The following UNKL variants were observed in gnomAD, a reference collection of about 807,000 sequenced individuals.
UNKL encodes putative E3 ubiquitin-protein ligase UNKL.
Under a neutral mutation model 78.0 loss-of-function variants are expected in UNKL, and 60 were observed. The ratio of observed to expected loss-of-function variants is 0.77; its 90% CI spans 0.63 to 0.95. The LOEUF (loss-of-function observed/expected upper bound fraction) is 0.95, where lower values mean the gene tolerates loss of function less well. Ranked by LOEUF, UNKL falls within the 40% of genes least tolerant of loss-of-function variation. The pLI is 0.00. For missense variants in UNKL, 1,159 were observed against 1,045.7 expected (o/e 1.11, Z -1.49); for synonymous variants, 608 against 474.8 (o/e 1.28, Z -3.65).
At chr16:1,378,303 C>G (rs1211136747) in intron 10 of UNKL, among the ~76,000 whole-genome samples, 1 of 152,216 alleles carries the variant, frequency 6.6e-6, no homozygotes, top group Non-Finnish European at 1.5e-5. Flanking sequence ...CAGGGCCAAG[C>G]GGTTTGCCCA....
intron 10 of UNKL, among the ~76,000 whole-genome samples, chr16:1,380,498 C>T (rs1467274959): frequency 6.6e-6 from 1 of 152,030 alleles, no homozygotes; most frequent in Non-Finnish European, 1.5e-5. Flanking sequence ...AGGGATGTAA[C>T]TTTACAGCGA....
chr16:1,374,498 C>G (rs1246547859), intron 10 of UNKL, among the ~76,000 whole-genome samples: 3 of 152,180 alleles, frequency 2.0e-5, no homozygotes, highest in Non-Finnish European at 2.9e-5. Flanking sequence ...CCGGGGAAAC[C>G]TGTCAGACCC....
At chr16:1,382,018 T>C (rs2036623931) in intron 10 of UNKL, among the ~76,000 whole-genome samples, 1 of 152,158 alleles carries the variant, frequency 6.6e-6, no homozygotes, top group Admixed American at 6.5e-5. Context: ...AAGTGCTCTG[T>C]CCCTGGGCTG....
Position 1,367,382 on chromosome 16 carries a change from C to T in UNKL, c.1789-33G>A, listed in dbSNP as rs1374070809. On this transcript the variant is annotated intron_variant, in intron 13 of 14. Transcript: ENST00000389221. ...CCAGGGCCCGTCTCAGCACCCCCCA[C>T]CTCACCTGTGCCACCTGCAGACCCT... The T allele has an allele frequency of 2.0e-6, 3 of 1,516,388 alleles. No individual in the cohort carries two copies. The African/African-American group carries it at 4.1e-5, about 21-fold the overall frequency. 93.9% of individuals were successfully genotyped at this position (1,516,388 alleles called of 1,614,324 possible).
chr16:1,379,827 G>A, intron 10 of UNKL: 1 of 577,164 alleles, frequency 1.7e-6, no homozygotes, highest in Non-Finnish European at 2.2e-6. Context: ...CGCGGCTCCT[G>A]GCTACGAGCT....
intron 12 of UNKL, 145 bp from the exon 13 acceptor site, chr16:1,368,003 G>T: frequency 1.4e-6 from 1 of 697,348 alleles, no homozygotes; most frequent in Non-Finnish European, 2.4e-6. Context: ...AGCCACGCCT[G>T]CCCCTTGCCC....
At chr16:1,368,083 C>T in intron 12 of UNKL, 1 of 488,232 alleles carries the variant, frequency 2.0e-6, no homozygotes, top group South Asian at 3.4e-5. Flanking sequence ...GTCTCCCCAC[C>T]AGATCTACGC....
chr16:1,399,067 C>G lies in UNKL; in HGVS notation c.734+307G>C. The G allele has an allele frequency of 7.3e-7, 1 of 1,370,730 alleles. No homozygotes were observed. Among genetic ancestry groups the G allele is most frequent in the Non-Finnish European group, 9.6e-7 (1 of 1,040,060 alleles). 84.9% of individuals were successfully genotyped at this position (1,370,730 alleles called of 1,614,324 possible). On this transcript the variant is annotated intron_variant, in intron 5 of 14. Transcript: ENST00000389221. The surrounding 1 kb of genome is among the most constrained non-coding windows in gnomAD (Gnocchi z 5.8). ...CAACCAGAGGCACGGGTGGGGCACA[C>G]GGGGGTCCCAGCTGGGCTTGGGGTC...
At position 1,366,501 on chromosome 16, in the gene UNKL, G is replaced by A. The variant is rs2035265668; in HGVS notation, c.2047-106C>T. The A allele has an allele frequency of 2.9e-6, 4 of 1,365,192 alleles. No homozygotes were observed. In the Admixed American group the frequency reaches 8.6e-5, roughly 29 times the overall value. The allele number at this position is 1,365,192 out of a possible 1,614,324, so 84.6% of individuals were successfully genotyped here. A position where few individuals can be genotyped will look rare whatever the true frequency, so the allele number is the denominator to read the frequency against. The stretch of plus-strand genomic sequence containing the variant: ...AGGACTCAGCATCTCAGGCCGCCCG[G>A]CCACCAGCTACAGAGACAGGGTCAG... On this transcript the variant is annotated intron_variant, in intron 14 of 14. Transcript: ENST00000389221.
In UNKL at chr16:1,370,478, G is replaced by A. The variant is rs559031720; in HGVS notation, c.1358-121C>T. 135 of 1,387,932 alleles carry A rather than the reference G, an allele frequency of 9.7e-5. 1 individual carries two copies. The African/African-American group carries it at 1.4e-3, about 15-fold the overall frequency. 86.0% of individuals were successfully genotyped at this position (1,387,932 alleles called of 1,614,324 possible). A position where few individuals can be genotyped will look rare whatever the true frequency, so the allele number is the denominator to read the frequency against. ...TGGTGGTGGTGGGGATATGGGGGGT[G>A]GGAATATAGGGGCCAGGCCAGCCAC... On this transcript the variant is annotated intron_variant, in intron 11 of 14. Coordinates refer to ENST00000389221, the MANE Select transcript of UNKL (RefSeq NM_001372107.1).
In UNKL at chr16:1,367,715, G is replaced by A. The variant is rs2035419831; in HGVS notation, c.1729C>T (p.Leu577=). Residue 577 remains leucine, a synonymous_variant, in exon 13 of 15, where the codon CTG becomes TTG. Coordinates refer to ENST00000389221, the MANE Select transcript of UNKL (RefSeq NM_001372107.1). Reference sequence around the variant, plus strand: ...CGGATCTTCCTCTTGGCCTCGTCCAGCTGCCGCCTGACCCGGGCCAGCTCA... The same window carrying A: ...CGGATCTTCCTCTTGGCCTCGTCCAACTGCCGCCTGACCCGGGCCAGCTCA... ...GAELARVRRQ[L]DEAKRKIRQW... The A allele has an allele frequency of 5.1e-6, 8 of 1,580,920 alleles. No individual in the cohort carries two copies. Among genetic ancestry groups the A allele is most frequent in the Non-Finnish European group, 6.9e-6 (8 of 1,164,414 alleles).
rs1342426183 is a variant in UNKL, at chr16:1,365,242, C to T, written c.*998G>A. Reference sequence around the variant, plus strand: ...TCCTGACCTTAGGTGATCCACCCGCCTCCCAAAGTGCTGGGATCACAGGCA... The same window carrying T: ...TCCTGACCTTAGGTGATCCACCCGCTTCCCAAAGTGCTGGGATCACAGGCA... On this transcript the variant is annotated 3_prime_UTR_variant, in exon 15 of 15. Transcript: ENST00000389221. 1 of 152,246 alleles carries T rather than the reference C, an allele frequency of 6.6e-6. No individual in the cohort carries two copies. Among genetic ancestry groups the T allele is most frequent in the Non-Finnish European group, 1.5e-5 (1 of 68,062 alleles). 9.4% of individuals were successfully genotyped at this position (152,246 alleles called of 1,614,324 possible).
In UNKL at chr16:1,366,172, A is replaced by T; in HGVS notation, c.*68T>A. The T allele has an allele frequency of 1.4e-6, 2 of 1,418,508 alleles. No homozygotes were observed. Among genetic ancestry groups the T allele is most frequent in the Non-Finnish European group, 9.3e-7 (1 of 1,077,374 alleles). 87.9% of individuals were successfully genotyped at this position (1,418,508 alleles called of 1,614,324 possible). On this transcript the variant is annotated 3_prime_UTR_variant, in exon 15 of 15. Transcript: ENST00000389221. ...TCGGTGGCACCAGAAGCGAGTGACG[A>T]CATGTCCGTGGTCAGGAGGAGCGCT...
At position 1,389,691 on chromosome 16, in the gene UNKL, G is replaced by T. The variant is rs186192521; in HGVS notation, c.1086+941C>A. Among the ~76,000 whole-genome samples the T allele has an allele frequency of 9.6e-3, 1,466 of 152,348 alleles. 12 individuals are homozygous for T. The highest frequency in any genetic ancestry group is 0.016 in the Non-Finnish European group (1,101 of 68,028). On this transcript the variant is annotated intron_variant, in intron 9 of 14. Transcript: ENST00000389221. ...CCCCAGGGATGCCCACGCACAGAGG[G>T]GTGACCCCAGAGGACACGGAGGAGG... is the stretch of plus-strand genomic sequence containing the variant.
chr16:1,369,998 G>A (rs1172570581), intron 12 of UNKL, 132 bp downstream of exon 12: 11 of 1,551,180 alleles, frequency 7.1e-6, no homozygotes, highest in Non-Finnish European at 9.6e-6. Context: ...CCTGTGAGCA[G>A]CAGGTCATGT....
intron 2 of UNKL, among the ~76,000 whole-genome samples, chr16:1,406,779 G>A (rs1432598902): frequency 3.3e-5 from 5 of 151,982 alleles, no homozygotes; most frequent in African/African-American, 9.7e-5. Flanking sequence ...TTTCACCTAC[G>A]CCTTAGGTCC....
At chr16:1,406,144 C>A in intron 2 of UNKL, 1 of 436,078 alleles carries the variant, frequency 2.3e-6, no homozygotes. Context: ...AGGTGGGGGG[C>A]CCAGAGCACA....
At position 1,364,508 on chromosome 16, in the gene UNKL, G is replaced by T. The variant is rs182586418; in HGVS notation, c.*1732C>A. The T allele has an allele frequency of 6.6e-6, 1 of 152,374 alleles. No individual in the cohort carries two copies. The highest frequency in any genetic ancestry group is 2.4e-5 in the African/African-American group (1 of 41,594). The allele number at this position is 152,374 out of a possible 1,614,324, so 9.4% of individuals were successfully genotyped here. A position where few individuals can be genotyped will look rare whatever the true frequency, so the allele number is the denominator to read the frequency against. On this transcript the variant is annotated 3_prime_UTR_variant, in exon 15 of 15. Coordinates refer to ENST00000389221, the MANE Select transcript of UNKL (RefSeq NM_001372107.1). ...GAGAGCCAGGTCGCCGTAAACCACAGATGCCTGTTCCTGCTCAACTCCTAG... is the reference window on the plus strand; with the variant it reads ...GAGAGCCAGGTCGCCGTAAACCACATATGCCTGTTCCTGCTCAACTCCTAG...
At chr16:1,382,632 CA>C (rs2036644207) in intron 10 of UNKL, among the ~76,000 whole-genome samples, 1 of 152,182 alleles carries the variant, frequency 6.6e-6, no homozygotes, top group Admixed American at 6.5e-5. Context: ...CACACGGCCA[CA>C]AAAGTTCCCA....
Sources: gnomAD v4.1 joint callset for allele counts (sites outside exome capture counted in the v4.1 genomes callset) on GRCh38, gnomAD v4.1.1 for gene constraint, Gnocchi (gnomAD v3.1) non-coding constraint, MANE v1.5 for transcripts, NCBI Gene and HGNC (gene_info 2026-07-23, HGNC 2026-07-21) for gene names.